The following CPT1A variants were observed in gnomAD, a reference collection of about 807,000 sequenced individuals.
CPT1A encodes the protein carnitine palmitoyltransferase 1A.
A neutral mutation model predicts 100.8 loss-of-function variants in CPT1A; 64 were observed. That is an observed-to-expected ratio of 0.63 (90% confidence interval 0.52 to 0.78). The LOEUF is 0.78. Ranked by LOEUF, CPT1A falls within the 30% of genes least tolerant of loss-of-function variation. The pLI is 0.00. For synonymous variants in CPT1A, 363 were observed against 396.0 expected (o/e 0.92, Z 0.99); for missense variants, 802 against 1,034.1 (o/e 0.78, Z 3.08).
intron 2 of CPT1A, among the ~76,000 whole-genome samples, chr11:68,814,612 T>C (rs183819072): frequency 3.2e-4 from 48 of 151,890 alleles, no homozygotes; most frequent in African/African-American, 1.2e-3. Flanking sequence ...CCGGACCTTA[T>C]GCAGAGAGTT....
At chr11:68,792,395 A>G (rs1443551689) in intron 9 of CPT1A, among the ~76,000 whole-genome samples, 1 of 152,148 alleles carries the variant, frequency 6.6e-6, no homozygotes, top group African/African-American at 2.4e-5. Flanking sequence ...CCAGCTTCCC[A>G]AGCAGCCCCG....
intron 12 of CPT1A, among the ~76,000 whole-genome samples, chr11:68,778,128 C>T (rs565651258): frequency 6.6e-6 from 1 of 151,970 alleles, no homozygotes; most frequent in East Asian, 1.9e-4. Context: ...TAGAAAACCT[C>T]CCTTGGCTGA....
In CPT1A at chr11:68,762,721, G is replaced by C; in HGVS notation, c.1781C>G (p.Thr594Ser). The C allele has an allele frequency of 1.2e-6, 2 of 1,614,120 alleles. No individual in the cohort carries two copies. Among genetic ancestry groups the C allele is most frequent in the Non-Finnish European group, 1.7e-6 (2 of 1,180,034 alleles). The change falls in exon 15 of 19, where the codon ACC becomes AGC. Residue 594 changes from threonine (T) to serine (S), a missense_variant. Coordinates refer to ENST00000265641, the MANE Select transcript of CPT1A (RefSeq NM_001876.4). ...KFCLTYEASM[T>S]RLFREGRTET... ...CGTCCTCCCCTCTCGGAAGAGCCGGGTCATGGAGGCCTCGTATGTGAGGCA... is the reference window on the plus strand; with the variant it reads ...CGTCCTCCCCTCTCGGAAGAGCCGGCTCATGGAGGCCTCGTATGTGAGGCA...
chr11:68,817,878 G>A (rs3019605), intron 1 of CPT1A, among the ~76,000 whole-genome samples: 131,294 of 151,534 alleles, frequency 0.87, 58,874 homozygotes, highest in Non-Finnish European at 0.98. Flanking sequence ...TAGGGTGTCT[G>A]GGGTCAAGCA....
In CPT1A at chr11:68,794,910, T is replaced by C. The variant is rs1327584411; in HGVS notation, c.773A>G (p.Asp258Gly). 1 of 1,613,620 alleles carries C rather than the reference T, an allele frequency of 6.2e-7. No individual in the cohort carries two copies. Among genetic ancestry groups the C allele is most frequent in the Non-Finnish European group, 8.5e-7 (1 of 1,179,676 alleles). Residue 258 changes from aspartate to glycine, a missense_variant and splice_region_variant, in exon 8 of 19, where the codon GAT (aspartate) becomes GGT (glycine). Coordinates refer to ENST00000265641, the MANE Select transcript of CPT1A (RefSeq NM_001876.4). ...GTGAGTTGGAAGGATATACAGCAGA[T>C]CCTGAAAAGCGACAAAGGTGGAGAG... is the stretch of plus-strand genomic sequence containing the variant. ...LMVNSNYYAMDLLYILPTHIQ... is the reference protein window; with the variant it reads ...LMVNSNYYAMGLLYILPTHIQ...
At position 68,841,797 on chromosome 11, in the gene CPT1A, C is replaced by G; in HGVS notation, c.-36G>C. On this transcript the variant is annotated 5_prime_UTR_variant, in exon 1 of 19. Transcript: ENST00000265641. This position sits in a 1 kb window ranked among gnomAD's most constrained non-coding sequence, Gnocchi z 6.3. Reference sequence around the variant, plus strand: ...CACCGAGTCAGCTACGGAGGTGCGGCAGCGGCAGCGGCAGCGGCGGCGGCG... The same window carrying G: ...CACCGAGTCAGCTACGGAGGTGCGGGAGCGGCAGCGGCAGCGGCGGCGGCG... 1 of 993,182 alleles carries G rather than the reference C, an allele frequency of 1.0e-6. No individual in the cohort carries two copies. Among genetic ancestry groups the G allele is most frequent in the Non-Finnish European group, 1.2e-6 (1 of 836,488 alleles). 61.5% of individuals were successfully genotyped at this position (993,182 alleles called of 1,614,324 possible).
chr11:68,811,202 C>G, intron 3 of CPT1A, among the ~76,000 whole-genome samples: 1 of 152,208 alleles, frequency 6.6e-6, no homozygotes, highest in Non-Finnish European at 1.5e-5. Flanking sequence ...AAACAAAGCC[C>G]AATTATGAGG....
intron 14 of CPT1A, among the ~76,000 whole-genome samples, chr11:68,767,216 T>A (rs549182422): frequency 7.9e-5 from 12 of 152,386 alleles, no homozygotes; most frequent in Non-Finnish European, 1.5e-4. Context: ...GGGCCAGGTT[T>A]GGCCTATGAG....
intron 9 of CPT1A, among the ~76,000 whole-genome samples, chr11:68,791,910 A>G (rs1159132425): frequency 1.3e-5 from 2 of 152,190 alleles, no homozygotes; most frequent in African/African-American, 4.8e-5. Flanking sequence ...AAGCCCACTC[A>G]GAGGCCAGCT....
intron 9 of CPT1A, 90 bp from the exon 10 acceptor site, chr11:68,785,100 T>C (rs1362216695): frequency 2.8e-6 from 3 of 1,089,250 alleles, no homozygotes; most frequent in Admixed American, 1.9e-5. Context: ...GCAAAGGGCA[T>C]GGGAGTCCCT....
chr11:68,841,467 G>C lies in CPT1A; in HGVS notation c.-14+308C>G, dbSNP rs1857157604. On this transcript the variant is annotated intron_variant, in intron 1 of 18. Transcript: ENST00000265641. This position sits in a 1 kb window ranked among gnomAD's most constrained non-coding sequence, Gnocchi z 6.3. ...GCTGGCCCCGGGCCGGAGGCGTCCA[G>C]CCAAGTCCGGAGGGCCGAGCATCCC... Among the ~76,000 whole-genome samples, 1 of 151,670 alleles carries C rather than the reference G, an allele frequency of 6.6e-6. No individual in the cohort carries two copies. Among genetic ancestry groups the C allele is most frequent in the African/African-American group, 2.4e-5 (1 of 41,266 alleles).
intron 5 of CPT1A, among the ~76,000 whole-genome samples, chr11:68,802,430 GAAAAAA>G (rs71043451): frequency 7.0e-6 from 1 of 143,248 alleles, no homozygotes. Context: ...TCCGTCTCTG[GAAAAAA>G]AAAAAAAAAA....
At chr11:68,817,193 C>T (rs904435193) in intron 1 of CPT1A, among the ~76,000 whole-genome samples, 4 of 148,292 alleles carry the variant, frequency 2.7e-5, no homozygotes, top group East Asian at 2.0e-4. Flanking sequence ...GGTGTGTGTG[C>T]GTGTTCTCAC....
At chr11:68,770,015 G>A (rs990224641) in intron 14 of CPT1A, among the ~76,000 whole-genome samples, 3 of 151,298 alleles carry the variant, frequency 2.0e-5, no homozygotes, top group African/African-American at 7.3e-5. Context: ...AGCCGAGATC[G>A]TGCCACTGCA....
At position 68,841,462 on chromosome 11, in the gene CPT1A, G is replaced by A. The variant is rs1173620877; in HGVS notation, c.-14+313C>T. On this transcript the variant is annotated intron_variant, in intron 1 of 18. Coordinates refer to ENST00000265641, the MANE Select transcript of CPT1A (RefSeq NM_001876.4). The surrounding 1 kb of genome is among the most constrained non-coding windows in gnomAD (Gnocchi z 6.3). ...GCCCCGCTGGCCCCGGGCCGGAGGC[G>A]TCCAGCCAAGTCCGGAGGGCCGAGC... Among the ~76,000 whole-genome samples, 1 of 151,426 alleles carries A rather than the reference G, an allele frequency of 6.6e-6. No individual in the cohort carries two copies. Among genetic ancestry groups the A allele is most frequent in the Non-Finnish European group, 1.5e-5 (1 of 67,832 alleles).
chr11:68,829,217 A>C (rs1029776634), intron 1 of CPT1A, among the ~76,000 whole-genome samples: 2 of 152,120 alleles, frequency 1.3e-5, no homozygotes, highest in African/African-American at 2.4e-5. Flanking sequence ...TCCCACCAGC[A>C]ACACGTCTGC....
chr11:68,838,581 A>AAAAAAAAAAAAAAAAAAAAAAAAC (rs1265604133), intron 1 of CPT1A, among the ~76,000 whole-genome samples: 1 of 145,600 alleles, frequency 6.9e-6, no homozygotes, highest in East Asian at 2.0e-4. Context: ...TTAAAAAAAA[A>AAAAAAAAAAAAAAAAAAAAAAAAC]AAAAAAAAAA....
chr11:68,781,659 T>A (rs1316660177), intron 11 of CPT1A, 112 bp downstream of exon 11: 1 of 955,148 alleles, frequency 1.0e-6, no homozygotes, highest in East Asian at 2.4e-5. Flanking sequence ...TATATTTTTA[T>A]GCCACCTTCT....
chr11:68,821,658 C>G (rs1277795118), intron 1 of CPT1A, among the ~76,000 whole-genome samples: 3 of 152,180 alleles, frequency 2.0e-5, no homozygotes, highest in Non-Finnish European at 1.5e-5. Context: ...GCTATGTAAA[C>G]AGTTGTTATG....
Sources: gnomAD v4.1 joint callset for allele counts (sites outside exome capture counted in the v4.1 genomes callset) on GRCh38, gnomAD v4.1.1 for gene constraint, Gnocchi (gnomAD v3.1) non-coding constraint, MANE v1.5 for transcripts, NCBI Gene and HGNC (gene_info 2026-07-23, HGNC 2026-07-21) for gene names.